The following UPF2 variants were observed in gnomAD, a reference collection of about 807,000 sequenced individuals.
UPF2 encodes the protein regulator of nonsense transcripts 2.
A neutral mutation model predicts 141.4 loss-of-function variants in UPF2; 17 were observed. The ratio of observed to expected loss-of-function variants is 0.12; its 90% CI spans 0.08 to 0.18. The LOEUF is 0.18. UPF2 is among the 10% of genes least tolerant of loss of function. UPF2 has a pLI of 1.00. For missense variants in UPF2, 1,152 were observed against 1,515.9 expected (o/e 0.76, Z 3.99); for synonymous variants, 540 against 498.0 (o/e 1.08, Z -1.12).
At chr10:12,038,419 C>CACAA (rs1554787077) in intron 1 of UPF2, among the ~76,000 whole-genome samples, 5 of 134,552 alleles carry the variant, frequency 3.7e-5, no homozygotes, top group Non-Finnish European at 6.4e-5. Flanking sequence ...CACACACACA[C>CACAA]AAATTACCTT....
At chr10:11,951,211 C>T (rs373131593) in intron 15 of UPF2, among the ~76,000 whole-genome samples, 6 of 152,060 alleles carry the variant, frequency 3.9e-5, no homozygotes, top group South Asian at 2.1e-4. Flanking sequence ...TACAGGTGTG[C>T]GCCAACATTC....
Position 12,016,964 on chromosome 10 carries a change from G to A in UPF2, c.1146-2780C>T, listed in dbSNP as rs1482466995. Reference sequence around the variant, plus strand: ...GAACTCGGAAGGCAGAGGTTGCAGTGAGCTGAGATTGCACCATTGCACTCC... The same window carrying A: ...GAACTCGGAAGGCAGAGGTTGCAGTAAGCTGAGATTGCACCATTGCACTCC... On this transcript the variant is annotated intron_variant, in intron 3 of 21. Transcript: ENST00000357604. The surrounding 1 kb of genome is among the most constrained non-coding windows in gnomAD (Gnocchi z 4.1). Among the ~76,000 whole-genome samples the A allele has an allele frequency of 6.6e-6, 1 of 150,570 alleles. No homozygotes were observed. The highest frequency in any genetic ancestry group is 1.5e-5 in the Non-Finnish European group (1 of 67,862).
chr10:11,921,456 C>A lies in UPF2; in HGVS notation c.3810-149G>T. On this transcript the variant is annotated intron_variant, in intron 21 of 21. Transcript: ENST00000357604. This position sits in a 1 kb window ranked among gnomAD's most constrained non-coding sequence, Gnocchi z 5.9. ...ATCTGCGGGTTCCACATCCATGGAC[C>A]AAAAATATTCGGGGGAAAAAAACCC... 1 of 796,832 alleles carries A rather than the reference C, an allele frequency of 1.3e-6. No individual in the cohort carries two copies. The highest frequency in any genetic ancestry group is 1.7e-5 in the South Asian group (1 of 59,736). 49.4% of individuals were successfully genotyped at this position (796,832 alleles called of 1,614,324 possible). A position where few individuals can be genotyped will look rare whatever the true frequency, so the allele number is the denominator to read the frequency against.
At chr10:11,938,898 C>T (rs1380906372) in intron 18 of UPF2, among the ~76,000 whole-genome samples, 2 of 102,650 alleles carry the variant, frequency 1.9e-5, no homozygotes, top group African/African-American at 4.0e-5. Context: ...CGGAGTCTCA[C>T]TCTGTCCCCC....
intron 4 of UPF2, among the ~76,000 whole-genome samples, chr10:12,011,544 T>C (rs79344051): frequency 0.015 from 2,248 of 152,276 alleles, 51 homozygotes; most frequent in African/African-American, 0.051. Flanking sequence ...GAGGTTGCAG[T>C]GAGCCGGGAC....
At chr10:12,034,991 T>C (rs948103935) in intron 2 of UPF2, 68 bp downstream of exon 2, 2 of 1,504,692 alleles carry the variant, frequency 1.3e-6, no homozygotes, top group Admixed American at 2.4e-5. Flanking sequence ...TTTCAAATAA[T>C]GTTTTTTTCC....
rs2131227498 is a variant in UPF2, at chr10:11,979,244, T to C, written c.1845-79A>G. ...CATTTTAAAATTTAAACTTTTCAGA[T>C]GTATTCACACATTAAATGATCTTAA... On this transcript the variant is annotated intron_variant, in intron 8 of 21. Coordinates refer to ENST00000357604, the MANE Select transcript of UPF2 (RefSeq NM_015542.4). This position sits in a 1 kb window ranked among gnomAD's most constrained non-coding sequence, Gnocchi z 6.2. The C allele has an allele frequency of 9.7e-7, 1 of 1,025,922 alleles. No homozygotes were observed. The allele number at this position is 1,025,922 out of a possible 1,614,324, so 63.6% of individuals were successfully genotyped here.
chr10:12,028,394 C>CTTTA (rs1405674891), intron 3 of UPF2, among the ~76,000 whole-genome samples: 1 of 152,044 alleles, frequency 6.6e-6, no homozygotes, highest in Non-Finnish European at 1.5e-5. Flanking sequence ...ATAGAGAGAA[C>CTTTA]GTTAAAGCAC....
intron 1 of UPF2, among the ~76,000 whole-genome samples, chr10:12,040,885 T>C (rs1382161241): frequency 6.6e-6 from 1 of 152,208 alleles, no homozygotes; most frequent in Admixed American, 6.5e-5. Flanking sequence ...AAGTTCAGCA[T>C]ACAATGAAAG....
chr10:12,014,149 T>A lies in UPF2; in HGVS notation c.1181A>T (p.Asp394Val). 1 of 1,548,292 alleles carries A rather than the reference T, an allele frequency of 6.5e-7. No individual in the cohort carries two copies. Among genetic ancestry groups the A allele is most frequent in the Non-Finnish European group, 8.8e-7 (1 of 1,142,270 alleles). The change falls in exon 4 of 22, where the codon GAT becomes GTT. Residue 394 changes from aspartate (D) to valine (V), a missense_variant. By Grantham distance (152) the Asp-to-Val change is radical (BLOSUM62 -3). This residue lies in a region of UPF2 where 739 missense variants were observed against 1,032.2 expected (regional missense o/e 0.72). Coordinates refer to ENST00000357604, the MANE Select transcript of UPF2 (RefSeq NM_015542.4). This position sits in a 1 kb window ranked among gnomAD's most constrained non-coding sequence, Gnocchi z 5.0. The part of the protein sequence containing the change: ...ILHSKGELSE[D>V]RHKQYEEFAM... ...AAATTCCTCATACTGTTTATGTCTA[T>A]CTTCACTGAGCTCCCCTTTAGAATG...
At chr10:12,032,151 G>A (rs553033085) in intron 2 of UPF2, among the ~76,000 whole-genome samples, 11 of 151,982 alleles carry the variant, frequency 7.2e-5, no homozygotes, top group South Asian at 6.2e-4. Context: ...AAAATTAGCC[G>A]GGCATGGTGG....
chr10:11,964,040 G>C lies in UPF2; in HGVS notation c.2153C>G (p.Pro718Arg), dbSNP rs1833280362. The change falls in exon 11 of 22, where the codon CCA becomes CGA. Residue 718 changes from proline to arginine, a missense_variant. Physicochemically the swap from Pro to Arg is moderately radical, Grantham distance 103. This residue lies in a region of UPF2 where 739 missense variants were observed against 1,032.2 expected (regional missense o/e 0.72). Coordinates refer to ENST00000357604, the MANE Select transcript of UPF2 (RefSeq NM_015542.4). ...TACACTGGTCCTCAGGTGAGATTCT[G>C]GAGATCTGAAAAGAAACCGTCCACA... ...ETCGRFLFRS[P>R]ESHLRTSVLL... The C allele has an allele frequency of 6.2e-7, 1 of 1,613,724 alleles. No homozygotes were observed. The highest frequency in any genetic ancestry group is 1.3e-5 in the African/African-American group (1 of 74,922).
intron 4 of UPF2, among the ~76,000 whole-genome samples, chr10:12,012,914 G>A (rs1834156332): frequency 6.6e-6 from 1 of 152,018 alleles, no homozygotes; most frequent in African/African-American, 2.4e-5. Flanking sequence ...CAAGGCAGGA[G>A]GACTGCTTGA....
chr10:11,983,409 GC>G (rs1198957700), intron 8 of UPF2, among the ~76,000 whole-genome samples: 1 of 152,066 alleles, frequency 6.6e-6, no homozygotes, highest in East Asian at 1.9e-4. Context: ...GTCTCGCTCT[GC>G]CGCCCAGGCT....
chr10:11,969,272 T>A (rs1833374945), intron 9 of UPF2, among the ~76,000 whole-genome samples: 1 of 147,204 alleles, frequency 6.8e-6, no homozygotes, highest in Admixed American at 6.8e-5. Context: ...CGGGTTCAAG[T>A]GATTCTCCTG....
chr10:12,036,213 G>A (rs1425941348), intron 1 of UPF2, among the ~76,000 whole-genome samples: 1 of 152,180 alleles, frequency 6.6e-6, no homozygotes, highest in Non-Finnish European at 1.5e-5. Flanking sequence ...GGTTTTAGAG[G>A]AAAGGGGTCA....
rs1834232363 is a variant in UPF2 at position 12,016,948 on chromosome 10, AG to A, written c.1146-2765del. Among the ~76,000 whole-genome samples the A allele has an allele frequency of 6.6e-6, 1 of 151,772 alleles. No individual in the cohort carries two copies. The highest frequency in any genetic ancestry group is 6.6e-5 in the Admixed American group (1 of 15,202). On this transcript the variant is annotated intron_variant, in intron 3 of 21. Transcript: ENST00000357604. The surrounding 1 kb of genome is among the most constrained non-coding windows in gnomAD (Gnocchi z 4.1). ...GGCAGGAGAATCATTTGAACTCGGA[AG>A]GCAGAGGTTGCAGTGAGCTGAGATT...
intron 21 of UPF2, among the ~76,000 whole-genome samples, chr10:11,929,152 A>C (rs1588522799): frequency 6.6e-6 from 1 of 152,370 alleles, no homozygotes; most frequent in East Asian, 1.9e-4. Context: ...GTCTCAAAAA[A>C]TAAATAAGTA....
At chr10:12,013,028 C>G (rs189487527) in intron 4 of UPF2, among the ~76,000 whole-genome samples, 1 of 149,856 alleles carries the variant, frequency 6.7e-6, no homozygotes, top group Non-Finnish European at 1.5e-5. Context: ...GGGAGACTGA[C>G]GCAGGAGACT....
Sources: allele counts gnomAD v4.1 joint callset (sites outside exome capture counted in the v4.1 genomes callset), GRCh38; gene constraint gnomAD v4.1.1; regional missense constraint gnomAD v4.1.1; non-coding constraint Gnocchi (gnomAD v3.1); transcripts MANE v1.5; gene names NCBI Gene and HGNC (gene_info 2026-07-23, HGNC 2026-07-21).